Variants in SMG6 observed in about 807,000 individuals in gnomAD.
The protein encoded by SMG6 is telomerase-binding protein EST1A.
A neutral mutation model predicts 142.2 loss-of-function variants in SMG6; 66 were observed. That is an observed-to-expected ratio of 0.46 (90% CI 0.38 to 0.57). The LOEUF is 0.57. SMG6 is among the 20% of genes least tolerant of loss of function. The pLI is 0.00. For missense variants in SMG6, 1,793 were observed against 1,832.0 expected, an observed-to-expected ratio of 0.98 and a Z score of 0.39; for synonymous variants, 779 against 702.4, an observed-to-expected ratio of 1.11 and a Z score of -1.72.
At chr17:2,280,626 A>T (rs2074764726) in intron 8 of SMG6, 2 of 981,760 alleles carry the variant, frequency 2.0e-6, no homozygotes, top group Non-Finnish European at 2.4e-6. Flanking sequence ...CAAAGATTTA[A>T]ATTTAAAGAA....
At chr17:2,136,462 T>A (rs1381445332) in intron 13 of SMG6, among the ~76,000 whole-genome samples, 1 of 152,222 alleles carries the variant, frequency 6.6e-6, no homozygotes, top group Non-Finnish European at 1.5e-5. Context: ...TCTCATTGAT[T>A]CTAAATATCT....
chr17:2,303,485 A>G, intron 1 of SMG6, 148 bp downstream of exon 1: 1 of 1,329,242 alleles, frequency 7.5e-7, no homozygotes, highest in African/African-American at 1.5e-5. Flanking sequence ...GAGGTAGGGC[A>G]GCGAGGGTCC....
At chr17:2,206,906 C>T (rs1050878778) in intron 10 of SMG6, among the ~76,000 whole-genome samples, 5 of 150,106 alleles carry the variant, frequency 3.3e-5, no homozygotes, top group African/African-American at 9.8e-5. Context: ...ATAATAATAA[C>T]GATAATGATA....
chr17:2,144,195 A>AT (rs1440892653), intron 13 of SMG6, among the ~76,000 whole-genome samples: 1 of 150,830 alleles, frequency 6.6e-6, no homozygotes, highest in East Asian at 2.0e-4. Context: ...AGTAGCTGGG[A>AT]TTACAGGTGC....
chr17:2,266,245 C>T lies in SMG6; in HGVS notation c.2661+16402G>A, dbSNP rs147109558. 30 of 917,404 alleles carry T rather than the reference C, an allele frequency of 3.3e-5. No individual in the cohort carries two copies. The East Asian group carries it at 2.8e-3, about 86-fold the overall frequency. 56.8% of individuals were successfully genotyped at this position (917,404 alleles called of 1,614,324 possible). A position where few individuals can be genotyped will look rare whatever the true frequency, so the allele number is the denominator to read the frequency against. ...AAAGGTCACGTGGGGTGGAAAGTGG[C>T]CTGTGGGTAACACAGAATATACACA... On this transcript the variant is annotated intron_variant, in intron 8 of 18. Transcript: ENST00000263073.
intron 14 of SMG6, among the ~76,000 whole-genome samples, chr17:2,083,436 C>G (rs1300494028): frequency 6.6e-6 from 1 of 152,232 alleles, no homozygotes; most frequent in Non-Finnish European, 1.5e-5. Flanking sequence ...CCTTTCCCTA[C>G]CTCTCCCAAT....
intron 10 of SMG6, among the ~76,000 whole-genome samples, chr17:2,208,415 A>G (rs1305334090): frequency 3.9e-5 from 6 of 152,196 alleles, no homozygotes; most frequent in Non-Finnish European, 7.3e-5. Context: ...GTCCTCGTAC[A>G]GGATTTACAA....
chr17:2,220,703 T>A (rs2073146846), intron 10 of SMG6, among the ~76,000 whole-genome samples: 1 of 152,244 alleles, frequency 6.6e-6, no homozygotes, highest in Non-Finnish European at 1.5e-5. Context: ...CTTTTTGCCA[T>A]TACTATTATT....
At position 2,299,879 on chromosome 17, in the gene SMG6, G is replaced by C. The variant is rs765988056; in HGVS notation, c.874C>G (p.Leu292Val). The change falls in exon 2 of 19, where the codon CTG becomes GTG. Residue 292 changes from leucine (L) to valine (V), a missense_variant. Around this residue, in one of 3 missense-constraint regions of SMG6, gnomAD observed 1,597 missense variants for 1,584.6 expected, o/e 1.01. Transcript: ENST00000263073. The surrounding 1 kb of genome is among the most constrained non-coding windows in gnomAD (Gnocchi z 4.3). ...RQDRTKERPRLKKQVSVSSTD... is the reference protein window; with the variant it reads ...RQDRTKERPRVKKQVSVSSTD... ...GAGGACACAGACACTTGCTTCTTCA[G>C]TCGTGGCCTCTCCTTGGTCCTATCC... 1 of 1,614,102 alleles carries C rather than the reference G, an allele frequency of 6.2e-7. No homozygotes were observed.
chr17:2,230,967 C>T (rs1025376086), intron 10 of SMG6, among the ~76,000 whole-genome samples: 5 of 152,086 alleles, frequency 3.3e-5, no homozygotes, highest in African/African-American at 1.2e-4. Flanking sequence ...AGAGAAAAAG[C>T]CCAAGGGTTT....
At chr17:2,295,439 T>C (rs2075124698) in intron 4 of SMG6, among the ~76,000 whole-genome samples, 1 of 152,232 alleles carries the variant, frequency 6.6e-6, no homozygotes, top group Non-Finnish European at 1.5e-5. Context: ...GCAGCCAAGA[T>C]GCTTAAAAGA....
intron 8 of SMG6, among the ~76,000 whole-genome samples, chr17:2,248,926 A>G (rs150436598): frequency 0.018 from 2,699 of 151,290 alleles, 39 homozygotes; most frequent in Non-Finnish European, 0.026. Flanking sequence ...TTGCTCTTTC[A>G]CCCAGGCTGG....
In SMG6 at chr17:2,199,717, G is replaced by A. The variant is rs1422617576; in HGVS notation, c.2870-11202C>T. On this transcript the variant is annotated intron_variant, in intron 10 of 18. Coordinates refer to ENST00000263073, the MANE Select transcript of SMG6 (RefSeq NM_017575.5). ...GCCAGGAATTCGAGACCAGCCTGTG[G>A]GCCACCGTGGCGAAACCCCATCTCT... 6.6e-5 allele frequency: 10 copies of A among 151,440 alleles called. No individual in the cohort carries two copies. The East Asian group carries it at 1.9e-3, about 29-fold the overall frequency. 9.4% of individuals were successfully genotyped at this position (151,440 alleles called of 1,614,324 possible).
At chr17:2,297,436 C>A in intron 3 of SMG6, 83 bp from the exon 4 acceptor site, 1 of 971,980 alleles carries the variant, frequency 1.0e-6, no homozygotes, top group Non-Finnish European at 1.5e-6. Context: ...ACAACCCTTT[C>A]ACAGTTCTGC....
Position 2,299,514 on chromosome 17 carries a change from G to C in SMG6, c.1239C>G (p.Ala413=). 1.2e-6 allele frequency: 2 copies of C among 1,614,116 alleles called. No individual in the cohort carries two copies. Among genetic ancestry groups the C allele is most frequent in the Non-Finnish European group, 1.7e-6 (2 of 1,180,022 alleles). The part of the protein sequence containing the change: ...GRGRGILILP[A]HTTLSVNSAG... ...CTGAATTGACAGATAGGGTGGTATGGGCAGGCAAAATCAGAATGCCACGAC... is the reference window on the plus strand; with the variant it reads ...CTGAATTGACAGATAGGGTGGTATGCGCAGGCAAAATCAGAATGCCACGAC... The change falls in exon 2 of 19, where the codon GCC becomes GCG. Residue 413 remains alanine, a synonymous_variant. Transcript: ENST00000263073. The surrounding 1 kb of genome is among the most constrained non-coding windows in gnomAD (Gnocchi z 4.3).
At chr17:2,070,792 C>T (rs761190944) in intron 15 of SMG6, among the ~76,000 whole-genome samples, 3 of 152,158 alleles carry the variant, frequency 2.0e-5, no homozygotes, top group Non-Finnish European at 2.9e-5. Flanking sequence ...GCCACTACTG[C>T]GGGCTACCTT....
chr17:2,283,834 T>C (rs2074845565), intron 6 of SMG6, 99 bp from the exon 7 acceptor site: 1 of 831,972 alleles, frequency 1.2e-6, no homozygotes, highest in Non-Finnish European at 2.0e-6. Context: ...TCCCAGCCTG[T>C]CTCCCAAACT....
intron 12 of SMG6, among the ~76,000 whole-genome samples, chr17:2,177,678 T>C (rs1597530676): frequency 6.6e-6 from 1 of 152,150 alleles, no homozygotes; most frequent in Non-Finnish European, 1.5e-5. Context: ...AGCCGTGCAT[T>C]GTGTTTCAGA....
chr17:2,194,071 A>C (rs1274129107), intron 10 of SMG6, among the ~76,000 whole-genome samples: 1 of 152,212 alleles, frequency 6.6e-6, no homozygotes, highest in African/African-American at 2.4e-5. Context: ...GATTACAGGC[A>C]TGAGCCACCA....
Sources: allele counts gnomAD v4.1 joint callset (sites outside exome capture counted in the v4.1 genomes callset), GRCh38; gene constraint gnomAD v4.1.1; regional missense constraint gnomAD v4.1.1; non-coding constraint Gnocchi (gnomAD v3.1); transcripts MANE v1.5; gene names NCBI Gene and HGNC (gene_info 2026-07-23, HGNC 2026-07-21).